Variants in UBAC1 observed in about 807,000 individuals in gnomAD.
UBAC1 encodes the protein ubiquitin-associated domain-containing protein 1.
A neutral mutation model predicts 45.9 loss-of-function variants in UBAC1; 27 were observed. That is an observed-to-expected ratio of 0.59 (90% confidence interval 0.43 to 0.81). UBAC1 has a LOEUF of 0.81. Ranked by LOEUF, UBAC1 falls within the 30% of genes least tolerant of loss-of-function variation. The probability of loss-of-function intolerance (pLI) is 0.00; values close to 1 mark genes in which losing one functional copy is unlikely to be tolerated. For missense variants in UBAC1, 529 were observed against 539.2 expected (o/e 0.98, Z 0.19); for synonymous variants, 227 against 215.5 (o/e 1.05, Z -0.47).
chr9:135,960,280 A>C (rs4841902), intron 1 of UBAC1, among the ~76,000 whole-genome samples: 80,131 of 152,016 alleles, frequency 0.53, 21,226 homozygotes, highest in Admixed American at 0.57. Context: ...AGTTCCAAAA[A>C]TCAGCAACCT....
At chr9:135,950,363 G>A (rs1051272847) in intron 3 of UBAC1, among the ~76,000 whole-genome samples, 6 of 152,210 alleles carry the variant, frequency 3.9e-5, no homozygotes, top group Admixed American at 6.5e-5. Context: ...GGAAGGCAGC[G>A]ACTCAGACAG....
At chr9:135,946,784 G>A (rs947583390) in intron 4 of UBAC1, among the ~76,000 whole-genome samples, 2 of 152,222 alleles carry the variant, frequency 1.3e-5, no homozygotes, top group Non-Finnish European at 2.9e-5. Context: ...CAGCGTCTGC[G>A]GCGGCCATCA....
chr9:135,939,411 C>T (rs551681753), intron 8 of UBAC1, among the ~76,000 whole-genome samples: 33 of 152,154 alleles, frequency 2.2e-4, no homozygotes, highest in Non-Finnish European at 3.8e-4. Flanking sequence ...GGGGCGCTCA[C>T]GAGTGAGGCT....
chr9:135,954,847 T>C (rs1839446989), intron 2 of UBAC1, among the ~76,000 whole-genome samples: 1 of 152,194 alleles, frequency 6.6e-6, no homozygotes, highest in African/African-American at 2.4e-5. Flanking sequence ...TTCAAGGACT[T>C]CCACAATTAA....
Position 135,955,320 on chromosome 9 carries a change from G to A in UBAC1, c.234C>T (p.Ile78=). The change falls in exon 2 of 10, where the codon ATC becomes ATT. Residue 78 remains isoleucine (I), a synonymous_variant. Coordinates refer to ENST00000371756, the MANE Select transcript of UBAC1 (RefSeq NM_016172.3). Reference sequence around the variant, plus strand: ...CTTGGTCCTGGATGTTCTCTTCCAGGATGGTCCTGGCATCACTCAGCACCC... The same window carrying A: ...CTTGGTCCTGGATGTTCTCTTCCAGAATGGTCCTGGCATCACTCAGCACCC... ...SERVLSDART[I]LEENIQDQDV... The A allele has an allele frequency of 6.3e-7, 1 of 1,596,926 alleles. No homozygotes were observed. The highest frequency in any genetic ancestry group is 1.1e-5 in the South Asian group (1 of 87,860).
chr9:135,959,978 A>G (rs1337498491), intron 1 of UBAC1, among the ~76,000 whole-genome samples: 1 of 152,188 alleles, frequency 6.6e-6, no homozygotes, highest in East Asian at 1.9e-4. Context: ...CCAGAACTCC[A>G]CAGAACCATG....
rs1839433611 is a variant in UBAC1 at position 135,953,742 on chromosome 9, A to G, written c.271T>C (p.Leu91=). 3 of 1,613,844 alleles carry G rather than the reference A, an allele frequency of 1.9e-6. No homozygotes were observed. Among genetic ancestry groups the G allele is most frequent in the Non-Finnish European group, 2.5e-6 (3 of 1,179,834 alleles). The change falls in exon 3 of 10, where the codon TTG becomes CTG. Residue 91 remains leucine, a synonymous_variant. Transcript: ENST00000371756. ...ENIQDQDVLL[L]IKKRAPSPLP... is the part of the protein sequence containing the mutation. Reference sequence around the variant, plus strand: ...GGTGATGGAGCACGCTTTTTTATCAATAATAGGACATCTAGAAAAAACAAC... The same window carrying G: ...GGTGATGGAGCACGCTTTTTTATCAGTAATAGGACATCTAGAAAAAACAAC...
At chr9:135,951,584 G>T (rs1839405925) in intron 3 of UBAC1, among the ~76,000 whole-genome samples, 1 of 152,096 alleles carries the variant, frequency 6.6e-6, no homozygotes, top group Non-Finnish European at 1.5e-5. Flanking sequence ...CGAGGCAGGT[G>T]GATCACCCGA....
intron 1 of UBAC1, 57 bp downstream of exon 1, chr9:135,960,968 C>G (rs76146588): frequency 0.27 from 386,504 of 1,405,510 alleles, 55,223 homozygotes; most frequent in Non-Finnish European, 0.29. Context: ...AGGCGGGGTC[C>G]GCAGTCGGAG....
intron 3 of UBAC1, among the ~76,000 whole-genome samples, chr9:135,950,588 T>C (rs1381945775): frequency 1.3e-5 from 2 of 152,230 alleles, no homozygotes; most frequent in African/African-American, 4.8e-5. Context: ...TAATCTATTT[T>C]GCTCACAGCT....
At chr9:135,942,530 TG>T (rs1839281739) in intron 7 of UBAC1, among the ~76,000 whole-genome samples, 2 of 151,438 alleles carry the variant, frequency 1.3e-5, no homozygotes, top group Non-Finnish European at 2.9e-5. Flanking sequence ...TGGTGGTGCG[TG>T]CCTGTAAGAG....
chr9:135,940,222 C>A (rs937213786), intron 7 of UBAC1, among the ~76,000 whole-genome samples: 1 of 151,516 alleles, frequency 6.6e-6, no homozygotes, highest in East Asian at 1.9e-4. Context: ...GCAATCTCAA[C>A]GGAAACAAAA....
chr9:135,960,599 C>T (rs973820926), intron 1 of UBAC1, among the ~76,000 whole-genome samples: 34 of 152,276 alleles, frequency 2.2e-4, no homozygotes, highest in Admixed American at 5.2e-4. Context: ...TGAAAAAAAA[C>T]CTCACCCCAA....
At chr9:135,956,170 C>T (rs968424714) in intron 1 of UBAC1, among the ~76,000 whole-genome samples, 15 of 152,332 alleles carry the variant, frequency 9.8e-5, no homozygotes, top group Admixed American at 7.2e-4. Context: ...CTCCGAGCAG[C>T]GCTCACGGGG....
At chr9:135,935,670 C>T (rs1270150292) in intron 9 of UBAC1, among the ~76,000 whole-genome samples, 1 of 151,636 alleles carries the variant, frequency 6.6e-6, no homozygotes, top group African/African-American at 2.4e-5. Context: ...CACGCATAGA[C>T]AGTATGTAAA....
At chr9:135,946,510 T>A (rs1011789181) in intron 4 of UBAC1, 139 bp from the exon 5 acceptor site, 3 of 656,228 alleles carry the variant, frequency 4.6e-6, no homozygotes, top group Admixed American at 4.4e-5. Context: ...CAGGATCAGC[T>A]GAGGGCAAGG....
intron 1 of UBAC1, among the ~76,000 whole-genome samples, chr9:135,959,212 G>A (rs2131097013): frequency 6.6e-6 from 1 of 152,246 alleles, no homozygotes; most frequent in South Asian, 2.1e-4. Context: ...GGGGTCCACA[G>A]GATATTTTTG....
At chr9:135,947,128 C>T (rs577388961) in intron 4 of UBAC1, among the ~76,000 whole-genome samples, 10 of 152,302 alleles carry the variant, frequency 6.6e-5, no homozygotes, top group African/African-American at 1.9e-4. Context: ...AGCCAGCCGT[C>T]CTCCCACCCC....
Position 135,938,374 on chromosome 9 carries a change from A to C in UBAC1, c.964-14T>G. 1.2e-6 allele frequency: 2 copies of C among 1,612,164 alleles called. No homozygotes were observed. Among genetic ancestry groups the C allele is most frequent in the Non-Finnish European group, 1.7e-6 (2 of 1,179,658 alleles). The stretch of plus-strand genomic sequence containing the variant: ...CAGCCACTCGCACTGCAAAGCCAAG[A>C]GCACCAATACCACTGTTAGCGCCTT... On this transcript the variant is annotated splice_polypyrimidine_tract_variant and intron_variant, in intron 8 of 9. Transcript: ENST00000371756.
Sources: allele counts gnomAD v4.1 joint callset (sites outside exome capture counted in the v4.1 genomes callset), GRCh38; gene constraint gnomAD v4.1.1; transcripts MANE v1.5; gene names NCBI Gene and HGNC (gene_info 2026-07-23, HGNC 2026-07-21).